DAP3: variants seen among roughly 807,000 people sequenced by gnomAD.
DAP3 encodes the protein small ribosomal subunit protein mS29.
A neutral mutation model predicts 51.9 loss-of-function variants in DAP3; 28 were observed. The ratio of observed to expected loss-of-function variants is 0.54; its 90% confidence interval spans 0.40 to 0.74. DAP3 has a LOEUF of 0.74. DAP3 is among the 30% of genes least tolerant of loss of function. The probability of loss-of-function intolerance (pLI) is 0.00; values close to 1 mark genes in which losing one functional copy is unlikely to be tolerated. For missense variants in DAP3, 458 were observed against 483.5 expected, an observed-to-expected ratio of 0.95 and a Z score of 0.49; for synonymous variants, 170 against 170.3, an observed-to-expected ratio of 1.00 and a Z score of 0.01.
upstream of DAP3, chr1:155,688,237 G>A (rs371208669): frequency 6.2e-6 from 10 of 1,611,952 alleles, no homozygotes; most frequent in East Asian, 2.2e-5. Context: ...GGGAAAGGTG[G>A]AGGGCTAAAG....
chr1:155,691,294 T>TCGCAAC, intron 1 of DAP3, among the ~76,000 whole-genome samples: 1 of 142,000 alleles, frequency 7.0e-6, no homozygotes, highest in East Asian at 1.9e-4. Context: ...CCATTGCCTC[T>TCGCAAC]CGCAACCACT....
chr1:155,721,501 C>A lies in DAP3; in HGVS notation c.169-16C>A, dbSNP rs749493060. Reference sequence around the variant, plus strand: ...ACTTTGTCACCATTATACCTGTTTGCACTCTTATTTCCTAGGCCAAGCATG... The same window carrying A: ...ACTTTGTCACCATTATACCTGTTTGAACTCTTATTTCCTAGGCCAAGCATG... On this transcript the variant is annotated splice_polypyrimidine_tract_variant and intron_variant, in intron 3 of 12. Transcript: ENST00000368336. 49 of 1,612,944 alleles carry A rather than the reference C, an allele frequency of 3.0e-5. No individual in the cohort carries two copies. In the Admixed American group the frequency reaches 8.2e-4, roughly 27 times the overall value.
At chr1:155,710,385 C>T (rs946086723) in intron 2 of DAP3, among the ~76,000 whole-genome samples, 3 of 152,104 alleles carry the variant, frequency 2.0e-5, no homozygotes, top group Non-Finnish European at 2.9e-5. Flanking sequence ...GCGCTTGCCA[C>T]CATGCCCGGC....
chr1:155,738,288 G>A lies in DAP3; in HGVS notation c.*46G>A. ...GGAAGACAGTGGACATCTGCTTTAT[G>A]CTGGACCCAGTAAGATGAGGAAGTC... On this transcript the variant is annotated 3_prime_UTR_variant, in exon 13 of 13. Coordinates refer to ENST00000368336, the MANE Select transcript of DAP3 (RefSeq NM_004632.4). 6.2e-7 allele frequency: 1 copy of A among 1,604,612 alleles called. No individual in the cohort carries two copies. The highest frequency in any genetic ancestry group is 1.1e-5 in the South Asian group (1 of 90,596).
rs569493537 is a variant in DAP3 at position 155,709,989 on chromosome 1, GAATT to G, written c.45+169_45+172del. ...CTTGAGAATTTACCATGGAATAGGA[GAATT>G]AATATTTTTCCAGAAAACATAAGTA... On this transcript the variant is annotated intron_variant, in intron 2 of 12. Transcript: ENST00000368336. The G allele has an allele frequency of 1.1e-4, 58 of 535,460 alleles. 1 individual carries two copies. Among genetic ancestry groups the G allele is most frequent in the African/African-American group, 1.0e-3 (53 of 52,856 alleles). The allele number at this position is 535,460 out of a possible 1,614,324, so 33.2% of individuals were successfully genotyped here. A position where few individuals can be genotyped will look rare whatever the true frequency, so the allele number is the denominator to read the frequency against.
Position 155,727,733 on chromosome 1 carries a change from A to G in DAP3, c.598A>G (p.Asn200Asp). Reference protein sequence around the residue: ...NFKTTNERFLNQIKVQEKYVW... With the variant: ...NFKTTNERFLDQIKVQEKYVW... ...CAAAACTACAAATGAGCGCTTCCTGAACCAGGTGACTAGACTCCCAGAAGT... is the reference window on the plus strand; with the variant it reads ...CAAAACTACAAATGAGCGCTTCCTGGACCAGGTGACTAGACTCCCAGAAGT... The change falls in exon 7 of 13, where the codon AAC becomes GAC. Residue 200 changes from asparagine (N) to aspartate (D), a missense_variant. By Grantham distance (23) the Asn-to-Asp change is conservative. Transcript: ENST00000368336. The G allele has an allele frequency of 6.2e-7, 1 of 1,613,344 alleles. No homozygotes were observed. The highest frequency in any genetic ancestry group is 8.5e-7 in the Non-Finnish European group (1 of 1,179,630).
intron 10 of DAP3, chr1:155,731,658 C>G (rs977936509): frequency 4.3e-5 from 23 of 531,892 alleles, no homozygotes; most frequent in African/African-American, 4.1e-4. Flanking sequence ...AAATATTGGC[C>G]TAATTTTATT....
chr1:155,706,662 G>A (rs1656012748), intron 1 of DAP3, among the ~76,000 whole-genome samples: 1 of 151,866 alleles, frequency 6.6e-6, no homozygotes, highest in Non-Finnish European at 1.5e-5. Context: ...AGCTATTTAG[G>A]CAGCTGAGGC....
At chr1:155,734,001 TTTA>T (rs952212545) in intron 11 of DAP3, among the ~76,000 whole-genome samples, 7 of 151,608 alleles carry the variant, frequency 4.6e-5, no homozygotes, top group Admixed American at 1.3e-4. Context: ...AAAAAAAAAT[TTTA>T]AAACTAGCTG....
At chr1:155,710,608 A>G (rs1368074354) in intron 2 of DAP3, 1 of 152,138 alleles carries the variant, frequency 6.6e-6, no homozygotes, top group African/African-American at 2.4e-5. Flanking sequence ...TTTGTTGGGT[A>G]TTATTATGTG....
At chr1:155,728,283 C>G (rs1658819387) in intron 7 of DAP3, among the ~76,000 whole-genome samples, 2 of 152,126 alleles carry the variant, frequency 1.3e-5, no homozygotes, top group South Asian at 4.1e-4. Flanking sequence ...TCACTTTGGT[C>G]AGGCACAGGG....
chr1:155,737,107 T>C (rs1013159602), intron 12 of DAP3, 44 bp downstream of exon 12: 2 of 1,360,396 alleles, frequency 1.5e-6, no homozygotes, highest in African/African-American at 2.9e-5. Context: ...GTGATCACAG[T>C]AGAATCCCAC....
chr1:155,696,799 G>A (rs796834475), intron 1 of DAP3, among the ~76,000 whole-genome samples: 1 of 152,212 alleles, frequency 6.6e-6, no homozygotes, highest in Non-Finnish European at 1.5e-5. Flanking sequence ...TCTGGCTGCA[G>A]GTTCTTTGTT....
intron 1 of DAP3, among the ~76,000 whole-genome samples, chr1:155,703,413 C>T (rs984064796): frequency 6.6e-6 from 1 of 152,110 alleles, no homozygotes; most frequent in African/African-American, 2.4e-5. Context: ...GTCACATGAA[C>T]GGTATGGGGA....
chr1:155,707,425 A>G (rs1156608822), intron 1 of DAP3, among the ~76,000 whole-genome samples: 1 of 152,068 alleles, frequency 6.6e-6, no homozygotes, highest in African/African-American at 2.4e-5. Flanking sequence ...AAAAAAAAAA[A>G]AAATTTATAG....
intron 1 of DAP3, 27 bp downstream of exon 1, chr1:155,689,201 T>C (rs916981289): frequency 1.4e-6 from 1 of 708,938 alleles, no homozygotes; most frequent in African/African-American, 1.7e-5. Context: ...ACACGGGTAT[T>C]GTACCGCTGA....
At chr1:155,689,267 G>C in intron 1 of DAP3, 93 bp downstream of exon 1, 1 of 663,438 alleles carries the variant, frequency 1.5e-6, no homozygotes, top group South Asian at 1.5e-5. Context: ...CCGGTAGACC[G>C]GCGCGCCTCC....
chr1:155,689,066 C>A, upstream of DAP3: 1 of 1,517,696 alleles, frequency 6.6e-7, no homozygotes, highest in Non-Finnish European at 8.9e-7. Context: ...GAGTCGTTTC[C>A]TGCCGGATGA....
At position 155,716,551 on chromosome 1, in the gene DAP3, C is replaced by T. The variant is rs555195801; in HGVS notation, c.46-455C>T. 3.3e-3 allele frequency among the ~76,000 whole-genome samples: 495 copies of T among 151,404 alleles called. 1 individual carries two copies. The highest frequency in any genetic ancestry group is 0.011 in the African/African-American group (467 of 41,226). On this transcript the variant is annotated intron_variant, in intron 2 of 12. Coordinates refer to ENST00000368336, the MANE Select transcript of DAP3 (RefSeq NM_004632.4). ...TCGCGCCACTGCACTCCAGCCTGGG[C>T]GACAGAGTGAGACTCCATCTCAAAA...
Sources: gnomAD v4.1 joint callset for allele counts (sites outside exome capture counted in the v4.1 genomes callset) on GRCh38, gnomAD v4.1.1 for gene constraint, MANE v1.5 for transcripts, NCBI Gene and HGNC (gene_info 2026-07-23, HGNC 2026-07-21) for gene names.